The following REPS2 variants were observed in gnomAD, a reference collection of about 807,000 sequenced individuals.
REPS2 encodes the protein ralBP1-associated Eps domain-containing protein 2.
REPS2 carries 23 observed loss-of-function variants against 53.6 expected under a neutral mutation model. The ratio of observed to expected loss-of-function variants is 0.43; its 90% confidence interval spans 0.31 to 0.61. REPS2 has a LOEUF of 0.61. Among genes scored for constraint, REPS2 ranks in the 20% least tolerant of loss-of-function variants. REPS2 has a pLI of 0.11. For missense variants in REPS2, 446 were observed against 534.9 expected, an observed-to-expected ratio of 0.83 and a Z score of 1.64; for synonymous variants, 238 against 218.6, an observed-to-expected ratio of 1.09 and a Z score of -0.78.
At chrX:16,967,804 A>G (rs1026279786) in intron 1 of REPS2, among the ~76,000 whole-genome samples, 1 of 109,451 alleles carries the variant, frequency 9.1e-6, no homozygotes, top group Admixed American at 9.7e-5. Flanking sequence ...CATATCTCAA[A>G]TATACGTGAT....
chrX:17,024,910 T>C (rs2061623236), intron 3 of REPS2, 149 bp from the exon 4 acceptor site: 6 of 788,309 alleles, frequency 7.6e-6, no homozygotes, highest in Non-Finnish European at 1.1e-5. Context: ...CACTGCTGTT[T>C]AACCATGCTG....
At chrX:17,100,116 G>A (rs1488329707) in intron 13 of REPS2, 11 of 884,773 alleles carry the variant, frequency 1.2e-5, no homozygotes, top group Admixed American at 2.2e-5. Flanking sequence ...TTTCTGTGAC[G>A]GCAGAAACTC....
chrX:17,107,683 A>G (rs757418473), intron 14 of REPS2, among the ~76,000 whole-genome samples: 1 of 111,880 alleles, frequency 8.9e-6, no homozygotes, highest in African/African-American at 3.2e-5. Flanking sequence ...TAAAAGAAAC[A>G]TCTTTTTATT....
chrX:17,103,869 A>G, intron 14 of REPS2, 90 bp downstream of exon 14: 1 of 849,225 alleles, frequency 1.2e-6, no homozygotes, highest in Non-Finnish European at 1.7e-6. Flanking sequence ...ATCGCCACAG[A>G]TCTGGTCCAT....
intron 14 of REPS2, among the ~76,000 whole-genome samples, chrX:17,120,979 C>T (rs2063133986): frequency 8.9e-6 from 1 of 111,835 alleles, no homozygotes; most frequent in Non-Finnish European, 1.9e-5. Context: ...CTGCTCTTAT[C>T]TCAAGGATCA....
intron 16 of REPS2, 136 bp downstream of exon 16, chrX:17,135,542 GA>G (rs1193987039): frequency 2.6e-6 from 2 of 778,138 alleles, no homozygotes; most frequent in African/African-American, 4.2e-5. Context: ...TCATCTCTGT[GA>G]TGGGATTCAA....
chrX:17,122,029 C>T (rs1034866542), intron 14 of REPS2, among the ~76,000 whole-genome samples: 5 of 111,657 alleles, frequency 4.5e-5, no homozygotes, highest in Non-Finnish European at 9.4e-5. Context: ...GGATTACAGG[C>T]GTGAGCCACT....
At chrX:17,190,090 A>C in the REPS2 span, among the ~76,000 whole-genome samples, 7 of 111,854 alleles carry the variant, frequency 6.3e-5, no homozygotes, top group African/African-American at 2.0e-4. Context: ...ACAACTTCTT[A>C]AGAACTGCAC....
chrX:17,028,713 A>T lies in REPS2; in HGVS notation c.674-813A>T, dbSNP rs190634557. On this transcript the variant is annotated intron_variant, in intron 4 of 17. Transcript: ENST00000357277. ...GCTGCTCTGCTCTCTACCTAATTTT[A>T]TTTGTAAGTAAGCTACAGAAATAAA... 5.8e-3 allele frequency among the ~76,000 whole-genome samples: 657 copies of T among 112,520 alleles called. 4 individuals are homozygous for T. Among genetic ancestry groups the T allele is most frequent in the African/African-American group, 0.02 (620 of 31,024 alleles).
chrX:17,103,865 A>G, intron 14 of REPS2, 86 bp downstream of exon 14: 2 of 875,516 alleles, frequency 2.3e-6, no homozygotes, highest in Non-Finnish European at 3.4e-6. Flanking sequence ...GTTGATCGCC[A>G]CAGATCTGGT....
the REPS2 span, among the ~76,000 whole-genome samples, chrX:17,162,494 G>A: frequency 8.9e-6 from 1 of 112,889 alleles, no homozygotes; most frequent in African/African-American, 3.2e-5. Flanking sequence ...ACTCAGGGCT[G>A]CGTACATGCT....
intron 5 of REPS2, among the ~76,000 whole-genome samples, chrX:17,043,336 T>C (rs1332954282): frequency 1.8e-5 from 2 of 110,997 alleles, no homozygotes; most frequent in East Asian, 5.7e-4. Context: ...GAAGAGGGGT[T>C]GGGTTCTCAT....
At chrX:16,956,684 T>C (rs992902243) in intron 1 of REPS2, among the ~76,000 whole-genome samples, 2 of 111,609 alleles carry the variant, frequency 1.8e-5, no homozygotes, top group African/African-American at 6.6e-5. Context: ...CCAGGGACAG[T>C]TCCTGCAGTC....
At chrX:17,196,613 C>A in the REPS2 span, among the ~76,000 whole-genome samples, 1 of 111,875 alleles carries the variant, frequency 8.9e-6, no homozygotes. Flanking sequence ...ACTTTTTCAG[C>A]CTCCAGAAAT....
intron 9 of REPS2, among the ~76,000 whole-genome samples, chrX:17,065,071 A>T (rs771393821): frequency 1.9e-4 from 21 of 112,319 alleles, no homozygotes; most frequent in Non-Finnish European, 3.4e-4. Flanking sequence ...GCTATTGTAA[A>T]TAATGCTGCT....
At chrX:17,086,289 T>A (rs1448148575) in intron 13 of REPS2, among the ~76,000 whole-genome samples, 4 of 112,269 alleles carry the variant, frequency 3.6e-5, no homozygotes, top group African/African-American at 1.3e-4. Flanking sequence ...CATTAAGAGA[T>A]CTCTAGTGTC....
chrX:17,105,852 G>A (rs1181208424), intron 14 of REPS2, among the ~76,000 whole-genome samples: 1 of 112,027 alleles, frequency 8.9e-6, no homozygotes, highest in African/African-American at 3.2e-5. Flanking sequence ...TGTCAAGTTG[G>A]TATTGACCCT....
At chrX:16,965,375 A>C (rs1484372833) in intron 1 of REPS2, among the ~76,000 whole-genome samples, 1 of 101,979 alleles carries the variant, frequency 9.8e-6, no homozygotes, top group Non-Finnish European at 2.0e-5. Flanking sequence ...TGACCCCCCC[A>C]CCTCCCTCCC....
chrX:17,044,848 C>G (rs1476279339), intron 5 of REPS2, among the ~76,000 whole-genome samples: 2 of 112,052 alleles, frequency 1.8e-5, no homozygotes, highest in Non-Finnish European at 3.8e-5. Context: ...GGGCATGGCT[C>G]TGGAATTTGG....
Sources: gnomAD v4.1 joint callset for allele counts (sites outside exome capture counted in the v4.1 genomes callset) on GRCh38, gnomAD v4.1.1 for gene constraint, MANE v1.5 for transcripts, NCBI Gene and HGNC (gene_info 2026-07-23, HGNC 2026-07-21) for gene names.